The following NRG1 variants were observed in gnomAD, a reference collection of about 807,000 sequenced individuals.
The protein encoded by NRG1 is pro-neuregulin-1, membrane-bound isoform.
A neutral mutation model predicts 63.8 loss-of-function variants in NRG1; 18 were observed. The observed-to-expected ratio is 0.28, with a 90% CI of 0.19 to 0.42. The LOEUF is 0.42. Among genes scored for constraint, NRG1 ranks in the 10% least tolerant of loss-of-function variants. The probability of loss-of-function intolerance (pLI) is 1.00; values close to 1 mark genes in which losing one functional copy is unlikely to be tolerated. For synonymous variants in NRG1, 302 were observed against 301.3 expected (o/e 1.00, Z -0.02); for missense variants, 762 against 814.7 (o/e 0.94, Z 0.79).
intron 1 of NRG1, among the ~76,000 whole-genome samples, chr8:32,481,453 G>A (rs16879467): frequency 0.013 from 1,918 of 152,320 alleles, 45 homozygotes; most frequent in African/African-American, 0.043. Flanking sequence ...ATGTGCCAAC[G>A]AGTGACAAAG....
At chr8:32,438,532 C>T (rs951955272) in intron 1 of NRG1, among the ~76,000 whole-genome samples, 4 of 152,084 alleles carry the variant, frequency 2.6e-5, no homozygotes, top group African/African-American at 7.2e-5. Context: ...TTTCATTTCT[C>T]TGAGATAAAT....
chr8:32,092,250 G>T (rs1829270168), intron 1 of NRG1, among the ~76,000 whole-genome samples: 2 of 151,784 alleles, frequency 1.3e-5, no homozygotes, highest in African/African-American at 2.4e-5. Flanking sequence ...CTTGAGCCCA[G>T]TTCTAGACTA....
chr8:31,727,885 G>A (rs1363149474), intron 1 of NRG1, among the ~76,000 whole-genome samples: 2 of 152,058 alleles, frequency 1.3e-5, no homozygotes, highest in East Asian at 3.9e-4. Flanking sequence ...GTACTTCGAG[G>A]CCATCATGAA....
chr8:32,375,478 G>A (rs546656753), intron 1 of NRG1, among the ~76,000 whole-genome samples: 16 of 152,164 alleles, frequency 1.1e-4, no homozygotes, highest in East Asian at 5.8e-4. Flanking sequence ...TAAAGATCTC[G>A]GGAAATTCAA....
intron 1 of NRG1, among the ~76,000 whole-genome samples, chr8:31,856,227 C>T (rs985068171): frequency 2.6e-5 from 4 of 152,186 alleles, no homozygotes; most frequent in African/African-American, 9.7e-5. Flanking sequence ...TGGTTCCATT[C>T]TCCCCGTCAC....
At chr8:31,857,430 T>A (rs1425978452) in intron 1 of NRG1, among the ~76,000 whole-genome samples, 1 of 152,236 alleles carries the variant, frequency 6.6e-6, no homozygotes, top group African/African-American at 2.4e-5. Flanking sequence ...CCCTGACCCC[T>A]TGGGCTTCCC....
intron 1 of NRG1, among the ~76,000 whole-genome samples, chr8:32,135,700 G>T (rs929552511): frequency 6.6e-6 from 1 of 151,950 alleles, no homozygotes; most frequent in Non-Finnish European, 1.5e-5. Context: ...TTTCAAGTGG[G>T]CAATTTGTTG....
chr8:31,751,736 GAT>G (rs1328998224), intron 1 of NRG1, among the ~76,000 whole-genome samples: 7 of 151,918 alleles, frequency 4.6e-5, no homozygotes, highest in Non-Finnish European at 8.8e-5. Flanking sequence ...GATGGAGAGA[GAT>G]AGAGAGTTTG....
chr8:32,126,469 C>A (rs1159892165), intron 1 of NRG1, among the ~76,000 whole-genome samples: 1 of 151,848 alleles, frequency 6.6e-6, no homozygotes, highest in Non-Finnish European at 1.5e-5. Context: ...CCAAAGAGTA[C>A]CAAGGGATCA....
chr8:31,893,464 G>A lies in NRG1; in HGVS notation c.37+254033G>A, dbSNP rs1009297022. Among the ~76,000 whole-genome samples the A allele has an allele frequency of 2.0e-5, 3 of 150,894 alleles. 1 individual carries two copies. The highest frequency in any genetic ancestry group is 6.6e-5 in the Admixed American group (1 of 15,146). On this transcript the variant is annotated intron_variant, in intron 1 of 10. Coordinates refer to the NRG1 transcript ENST00000519301. Reference sequence around the variant, plus strand: ...ACATTAGTATATTTGCTATATAAATGGTAAACGTTTTATATGTCAAAAATC... The same window carrying A: ...ACATTAGTATATTTGCTATATAAATAGTAAACGTTTTATATGTCAAAAATC...
intron 1 of NRG1, among the ~76,000 whole-genome samples, chr8:31,964,851 A>G (rs1243714574): frequency 6.6e-6 from 1 of 152,188 alleles, no homozygotes; most frequent in African/African-American, 2.4e-5. Context: ...CACCCAGCTG[A>G]TAAGTAAGAG....
chr8:32,293,455 A>AT (rs1854446370), intron 1 of NRG1, among the ~76,000 whole-genome samples: 1 of 152,078 alleles, frequency 6.6e-6, no homozygotes, highest in Non-Finnish European at 1.5e-5. Flanking sequence ...TGACACATTG[A>AT]TTTTGTCCTT....
At chr8:32,106,675 A>G (rs771931298) in intron 1 of NRG1, among the ~76,000 whole-genome samples, 5 of 152,186 alleles carry the variant, frequency 3.3e-5, no homozygotes, top group Non-Finnish European at 2.9e-5. Context: ...TTAAAAATAT[A>G]TAGAAGAAAG....
chr8:31,711,908 C>T (rs146722614), intron 1 of NRG1, among the ~76,000 whole-genome samples: 174 of 152,264 alleles, frequency 1.1e-3, no homozygotes, highest in Middle Eastern at 3.4e-3. Context: ...CTTAAAGGCT[C>T]TGCCCACATG....
intron 1 of NRG1, among the ~76,000 whole-genome samples, chr8:32,429,692 C>A (rs181188919): frequency 6.6e-6 from 1 of 152,022 alleles, no homozygotes; most frequent in Admixed American, 6.6e-5. Flanking sequence ...CGTAAACTGG[C>A]AATAAAAGAA....
chr8:32,365,523 G>T (rs1807851893), intron 1 of NRG1, among the ~76,000 whole-genome samples: 1 of 151,616 alleles, frequency 6.6e-6, no homozygotes, highest in South Asian at 2.1e-4. Flanking sequence ...TTTGATATTT[G>T]ACCCATCTGG....
intron 1 of NRG1, among the ~76,000 whole-genome samples, chr8:31,857,201 C>T (rs897694792): frequency 1.3e-5 from 2 of 152,236 alleles, no homozygotes; most frequent in Non-Finnish European, 2.9e-5. Context: ...GGCGGGCGCC[C>T]CTCCCCCAGC....
chr8:31,908,702 TATC>T lies in NRG1; in HGVS notation c.37+269276_37+269278del, dbSNP rs1832714093. Among the ~76,000 whole-genome samples the T allele has an allele frequency of 2.0e-5, 3 of 152,212 alleles. No individual in the cohort carries two copies. The South Asian group carries it at 6.2e-4, about 32-fold the overall frequency. ...TTATGTAAATATTGCCAAAATATTA[TATC>T]ATCAAAATATTGTATAATATCTGTG... is the stretch of plus-strand genomic sequence containing the variant. On this transcript the variant is annotated intron_variant, in intron 1 of 10. Transcript: ENST00000519301.
chr8:32,565,024 C>G (rs1837179396), intron 1 of NRG1, among the ~76,000 whole-genome samples: 4 of 152,080 alleles, frequency 2.6e-5, no homozygotes, highest in Admixed American at 2.6e-4. Context: ...GAACCATGAT[C>G]ATATCACTGC....
Sources: allele counts gnomAD v4.1 joint callset (sites outside exome capture counted in the v4.1 genomes callset), GRCh38; gene constraint gnomAD v4.1.1; transcripts MANE v1.5; gene names NCBI Gene and HGNC (gene_info 2026-07-23, HGNC 2026-07-21).